SLC1A1: variants seen among roughly 807,000 people sequenced by gnomAD.
SLC1A1 encodes the protein solute carrier family 1 member 1.
In SLC1A1, 43 loss-of-function variants were observed where a neutral mutation model predicts 53.3. That is an observed-to-expected ratio of 0.81 (90% CI 0.63 to 1.04). SLC1A1 has a LOEUF of 1.04. SLC1A1 is among the 50% of genes least tolerant of loss of function. The probability of loss-of-function intolerance (pLI) is 0.00; values close to 1 mark genes in which losing one functional copy is unlikely to be tolerated. For missense variants in SLC1A1, 748 were observed against 664.9 expected, an observed-to-expected ratio of 1.12 and a Z score of -1.37; for synonymous variants, 307 against 243.2, an observed-to-expected ratio of 1.26 and a Z score of -2.44.
chr9:4,585,255 G>C, intron 11 of SLC1A1, 57 bp from the exon 12 acceptor site: 1 of 1,607,582 alleles, frequency 6.2e-7, no homozygotes, highest in Non-Finnish European at 8.5e-7. Flanking sequence ...CATCTCTCCA[G>C]TGATGAAGGA....
At chr9:4,508,035 G>A (rs978210050) in intron 1 of SLC1A1, among the ~76,000 whole-genome samples, 7 of 152,110 alleles carry the variant, frequency 4.6e-5, no homozygotes, top group African/African-American at 7.2e-5. Context: ...TCTCCAAACC[G>A]TACAAGTCTG....
In SLC1A1 at chr9:4,531,342, C is replaced by T. The variant is rs1265598444; in HGVS notation, c.92-13225C>T. ...GGGTGACAGATGGCACCTGGAAAAT[C>T]GGGTCACTCCCACCCTAATATTGCA... On this transcript the variant is annotated intron_variant, in intron 1 of 11. Transcript: ENST00000262352. Among the ~76,000 whole-genome samples, 29 of 152,162 alleles carry T rather than the reference C, an allele frequency of 1.9e-4. 1 individual carries two copies. The highest frequency in any genetic ancestry group is 1.8e-3 in the Admixed American group (27 of 15,284).
intron 6 of SLC1A1, among the ~76,000 whole-genome samples, chr9:4,569,160 G>T (rs897390576): frequency 4.6e-5 from 7 of 152,118 alleles, no homozygotes; most frequent in African/African-American, 1.2e-4. Flanking sequence ...CTATAGATTT[G>T]TCAGGTACAT....
At position 4,556,561 on chromosome 9, in the gene SLC1A1, C is replaced by G. The variant is rs1243518360; in HGVS notation, c.233-4888C>G. 6.6e-6 allele frequency among the ~76,000 whole-genome samples: 1 copy of G among 152,110 alleles called. No homozygotes were observed. The highest frequency in any genetic ancestry group is 1.9e-4 in the East Asian group (1 of 5,190). On this transcript the variant is annotated intron_variant, in intron 2 of 11. Coordinates refer to ENST00000262352, the MANE Select transcript of SLC1A1 (RefSeq NM_004170.6). The surrounding 1 kb of genome is among the most constrained non-coding windows in gnomAD (Gnocchi z 4.1). ...CAAAGATGGCCTGAGAGCAAGAAAC[C>G]CGGGGGTCCATTGAGAATAAAAACT... is the stretch of plus-strand genomic sequence containing the variant.
intron 8 of SLC1A1, among the ~76,000 whole-genome samples, chr9:4,575,756 A>T (rs1339723547): frequency 2.0e-5 from 3 of 152,178 alleles, no homozygotes; most frequent in African/African-American, 7.2e-5. Context: ...CTGTTCTGTG[A>T]AGCCTTGAAT....
intron 10 of SLC1A1, 62 bp downstream of exon 10, chr9:4,576,825 G>C (rs1406201985): frequency 7.0e-7 from 1 of 1,436,432 alleles, no homozygotes; most frequent in East Asian, 2.3e-5. Flanking sequence ...AGTAAAAATT[G>C]TCCATGAAGG....
intron 1 of SLC1A1, among the ~76,000 whole-genome samples, chr9:4,514,738 G>A (rs894253771): frequency 6.6e-6 from 1 of 152,100 alleles, no homozygotes; most frequent in African/African-American, 2.4e-5. Flanking sequence ...GAGTGACTCC[G>A]CCAGATTTGC....
At chr9:4,506,074 C>T (rs1298538778) in intron 1 of SLC1A1, among the ~76,000 whole-genome samples, 2 of 152,198 alleles carry the variant, frequency 1.3e-5, no homozygotes, top group African/African-American at 4.8e-5. Flanking sequence ...GATCCACTCA[C>T]CTCTGCCTCC....
chr9:4,490,873 G>T (rs1392637144), intron 1 of SLC1A1, 103 bp downstream of exon 1: 30 of 1,001,440 alleles, frequency 3.0e-5, no homozygotes, highest in Non-Finnish European at 4.0e-5. Flanking sequence ...ACTCCATGCA[G>T]GGTCCCTCGA....
At chr9:4,548,288 A>C (rs1435383798) in intron 2 of SLC1A1, among the ~76,000 whole-genome samples, 1 of 152,194 alleles carries the variant, frequency 6.6e-6, no homozygotes. Flanking sequence ...ACACACAGGA[A>C]GGGCCATTTC....
chr9:4,542,279 C>A (rs1290580634), intron 1 of SLC1A1, among the ~76,000 whole-genome samples: 3 of 152,102 alleles, frequency 2.0e-5, no homozygotes, highest in Non-Finnish European at 2.9e-5. Flanking sequence ...GTTGTAATTG[C>A]CAAATACAGT....
intron 1 of SLC1A1, among the ~76,000 whole-genome samples, chr9:4,494,291 G>C (rs1820335017): frequency 2.3e-5 from 3 of 131,118 alleles, no homozygotes; most frequent in South Asian, 5.1e-4. Flanking sequence ...CTGGAAATTG[G>C]AGATATTACT....
Position 4,540,274 on chromosome 9 carries a change from C to G in SLC1A1, c.92-4293C>G, listed in dbSNP as rs1230722917. On this transcript the variant is annotated intron_variant, in intron 1 of 11. Coordinates refer to ENST00000262352, the MANE Select transcript of SLC1A1 (RefSeq NM_004170.6). The stretch of plus-strand genomic sequence containing the variant: ...CTTTTCAGCTCCCCTCCATTGAAAG[C>G]CATGTTCATCAGCAATAAAATCCTC... 2.6e-5 allele frequency among the ~76,000 whole-genome samples: 4 copies of G among 152,192 alleles called. No homozygotes were observed. The East Asian group carries it at 7.8e-4, about 30-fold the overall frequency.
intron 1 of SLC1A1, among the ~76,000 whole-genome samples, chr9:4,543,394 A>C (rs1817182576): frequency 6.6e-6 from 1 of 152,314 alleles, no homozygotes; most frequent in East Asian, 1.9e-4. Flanking sequence ...AAGAGTGTGT[A>C]TATTGGGAGA....
chr9:4,511,342 G>T (rs1333942241), intron 1 of SLC1A1, among the ~76,000 whole-genome samples: 2 of 152,118 alleles, frequency 1.3e-5, no homozygotes, highest in African/African-American at 4.8e-5. Flanking sequence ...TCACACAGTG[G>T]AAGTGGCAAG....
chr9:4,529,287 G>C (rs1176018153), intron 1 of SLC1A1, among the ~76,000 whole-genome samples: 2 of 152,118 alleles, frequency 1.3e-5, no homozygotes, highest in Non-Finnish European at 1.5e-5. Context: ...CTTCTTACTT[G>C]TGCAGTTACG....
intron 3 of SLC1A1, among the ~76,000 whole-genome samples, chr9:4,564,121 G>A (rs967178414): frequency 6.6e-6 from 1 of 151,978 alleles, no homozygotes; most frequent in Non-Finnish European, 1.5e-5. Flanking sequence ...GCACACGCAC[G>A]CACGCAAGCA....
intron 1 of SLC1A1, among the ~76,000 whole-genome samples, chr9:4,520,096 G>C (rs1231386298): frequency 6.6e-6 from 1 of 152,142 alleles, no homozygotes; most frequent in Non-Finnish European, 1.5e-5. Flanking sequence ...TCCACAATCT[G>C]TAATCACAAC....
chr9:4,507,966 C>T lies in SLC1A1; in HGVS notation c.91+17196C>T, dbSNP rs112217811. The stretch of plus-strand genomic sequence containing the variant: ...TGTAAAGAGGCAGTGATCTGGGACA[C>T]GTGATGTTAGTTAAAGTGGAGGAAA... On this transcript the variant is annotated intron_variant, in intron 1 of 11. Transcript: ENST00000262352. 3.2e-3 allele frequency among the ~76,000 whole-genome samples: 490 copies of T among 152,078 alleles called. 4 individuals are homozygous for T. The highest frequency in any genetic ancestry group is 0.01 in the African/African-American group (435 of 41,458).
Sources: gnomAD v4.1 joint callset for allele counts (sites outside exome capture counted in the v4.1 genomes callset) on GRCh38, gnomAD v4.1.1 for gene constraint, Gnocchi (gnomAD v3.1) non-coding constraint, MANE v1.5 for transcripts, NCBI Gene and HGNC (gene_info 2026-07-23, HGNC 2026-07-21) for gene names.